Variants in SDC2 observed in about 807,000 individuals in gnomAD.
The protein encoded by SDC2 is syndecan 2.
Under a neutral mutation model 22.2 loss-of-function variants are expected in SDC2, and 13 were observed. The observed-to-expected ratio is 0.59, with a 90% CI of 0.38 to 0.93. The LOEUF is 0.93. SDC2 is among the 40% of genes least tolerant of loss of function. The pLI is 0.00. For synonymous variants in SDC2, 94 were observed against 92.8 expected (o/e 1.01, Z -0.07); for missense variants, 235 against 246.8 (o/e 0.95, Z 0.32).
chr8:96,608,951 A>G (rs1815130730), intron 4 of SDC2, among the ~76,000 whole-genome samples: 1 of 152,230 alleles, frequency 6.6e-6, no homozygotes, highest in African/African-American at 2.4e-5. Flanking sequence ...ATTTAGGCAC[A>G]CTTGGTAGTC....
At chr8:96,537,614 A>T (rs1813774595) in intron 1 of SDC2, among the ~76,000 whole-genome samples, 1 of 152,238 alleles carries the variant, frequency 6.6e-6, no homozygotes, top group African/African-American at 2.4e-5. Context: ...CAGAGAAGTT[A>T]AAAGAAATTA....
At chr8:96,502,093 T>G (rs772774339) in intron 1 of SDC2, among the ~76,000 whole-genome samples, 24 of 152,310 alleles carry the variant, frequency 1.6e-4, no homozygotes, top group Admixed American at 3.3e-4. Context: ...AGGTAATTTA[T>G]AAAGGAAAGA....
chr8:96,571,057 A>G (rs890808303), intron 1 of SDC2, among the ~76,000 whole-genome samples: 1 of 152,202 alleles, frequency 6.6e-6, no homozygotes, highest in Non-Finnish European at 1.5e-5. Context: ...TCAAATGGCA[A>G]ATTTTAGGTA....
At chr8:96,547,422 C>T (rs58038748) in intron 1 of SDC2, among the ~76,000 whole-genome samples, 3,100 of 152,260 alleles carry the variant, frequency 0.02, 112 homozygotes, top group African/African-American at 0.071. Context: ...ACTTGGGGAC[C>T]ACCTTCGCAC....
rs147736418 is a variant in SDC2, at chr8:96,600,891, G to T, written c.173-1504G>T. Among the ~76,000 whole-genome samples, 198 of 152,312 alleles carry T rather than the reference G, an allele frequency of 1.3e-3. 5 individuals carry two copies. The East Asian group carries it at 0.029, about 22-fold the overall frequency. On this transcript the variant is annotated intron_variant, in intron 2 of 4. Coordinates refer to ENST00000302190, the MANE Select transcript of SDC2 (RefSeq NM_002998.4). ...GAGAGGGGTGGTAAAAGCCGATGAT[G>T]TAAATTTAGGTATCATCTGTGCTTA...
intron 2 of SDC2, among the ~76,000 whole-genome samples, chr8:96,598,305 G>T (rs1196058170): frequency 6.6e-6 from 1 of 152,108 alleles, no homozygotes; most frequent in African/African-American, 2.4e-5. Flanking sequence ...CATACCATAA[G>T]TAAAAGAAAA....
At chr8:96,530,593 C>T (rs1223828619) in intron 1 of SDC2, among the ~76,000 whole-genome samples, 1 of 152,150 alleles carries the variant, frequency 6.6e-6, no homozygotes, top group Non-Finnish European at 1.5e-5. Flanking sequence ...GTGATCGTAC[C>T]ATTGCACTCT....
At chr8:96,556,592 TCC>T (rs1814117714) in intron 1 of SDC2, among the ~76,000 whole-genome samples, 1 of 151,762 alleles carries the variant, frequency 6.6e-6, no homozygotes, top group South Asian at 2.1e-4. Flanking sequence ...TGAAACTGGA[TCC>T]CTTCCTTACA....
At chr8:96,587,090 T>A (rs1814699684) in intron 1 of SDC2, among the ~76,000 whole-genome samples, 2 of 152,006 alleles carry the variant, frequency 1.3e-5, no homozygotes, top group African/African-American at 4.8e-5. Flanking sequence ...GCCTGGCTAA[T>A]TTTTTGTATT....
At chr8:96,605,604 T>C (rs745689435) in intron 3 of SDC2, among the ~76,000 whole-genome samples, 35 of 152,242 alleles carry the variant, frequency 2.3e-4, no homozygotes, top group Non-Finnish European at 5.0e-4. Flanking sequence ...CAGTGCATAT[T>C]GTGCACCAGT....
chr8:96,530,689 A>G (rs955145927), intron 1 of SDC2, among the ~76,000 whole-genome samples: 6 of 152,248 alleles, frequency 3.9e-5, no homozygotes, highest in African/African-American at 2.4e-5. Flanking sequence ...CTTTCTTTAT[A>G]TAACATTTTA....
At chr8:96,508,687 A>G (rs769185540) in intron 1 of SDC2, among the ~76,000 whole-genome samples, 2 of 141,742 alleles carry the variant, frequency 1.4e-5, no homozygotes, top group African/African-American at 5.0e-5. Context: ...TTCATTGTCT[A>G]TAACTGTCTC....
intron 1 of SDC2, among the ~76,000 whole-genome samples, chr8:96,495,269 C>T (rs960011361): frequency 6.6e-6 from 1 of 152,218 alleles, no homozygotes; most frequent in South Asian, 2.1e-4. Context: ...TCCGGCGGAG[C>T]GCCTGCCGGC....
chr8:96,557,267 A>G (rs1226212149), intron 1 of SDC2, among the ~76,000 whole-genome samples: 1 of 134,464 alleles, frequency 7.4e-6, no homozygotes, highest in African/African-American at 2.6e-5. Context: ...CAGCCATCCC[A>G]TTACTGGGTA....
chr8:96,538,300 G>T (rs1813787102), intron 1 of SDC2, among the ~76,000 whole-genome samples: 1 of 151,926 alleles, frequency 6.6e-6, no homozygotes, highest in Non-Finnish European at 1.5e-5. Flanking sequence ...CCTGAAAGCT[G>T]GTTTTATACT....
At chr8:96,517,021 C>G (rs1813412041) in intron 1 of SDC2, among the ~76,000 whole-genome samples, 1 of 152,196 alleles carries the variant, frequency 6.6e-6, no homozygotes, top group African/African-American at 2.4e-5. Context: ...AACTGCCACA[C>G]TGTTTTGCAA....
chr8:96,548,488 GAGAA>G lies in SDC2; in HGVS notation c.61-44989_61-44986del, dbSNP rs1357948847. ...GTTTCCCCAGACATGAAGGGTCAAA[GAGAA>G]AGTTCATTCTAAGAGTCACAGATGC... is the stretch of plus-strand genomic sequence containing the variant. On this transcript the variant is annotated intron_variant, in intron 1 of 4. Transcript: ENST00000302190. 2.6e-5 allele frequency among the ~76,000 whole-genome samples: 4 copies of G among 152,332 alleles called. No homozygotes were observed. In the East Asian group the frequency reaches 7.7e-4, roughly 29 times the overall value.
chr8:96,552,346 C>T (rs1165291110), intron 1 of SDC2, among the ~76,000 whole-genome samples: 1 of 152,084 alleles, frequency 6.6e-6, no homozygotes, highest in Non-Finnish European at 1.5e-5. Context: ...GAATTATATC[C>T]CATGTTATTG....
chr8:96,555,235 G>GTGGA (rs1343544659), intron 1 of SDC2, among the ~76,000 whole-genome samples: 1 of 152,018 alleles, frequency 6.6e-6, no homozygotes, highest in Non-Finnish European at 1.5e-5. Flanking sequence ...ACATATTTAG[G>GTGGA]TGGATGGATG....
Sources: allele counts gnomAD v4.1 joint callset (sites outside exome capture counted in the v4.1 genomes callset), GRCh38; gene constraint gnomAD v4.1.1; transcripts MANE v1.5; gene names NCBI Gene and HGNC (gene_info 2026-07-23, HGNC 2026-07-21).